EOGT: variants seen among roughly 807,000 people sequenced by gnomAD.
EOGT encodes the protein EGF domain-specific O-linked N-acetylglucosamine transferase.
Under a neutral mutation model 70.5 loss-of-function variants are expected in EOGT, and 55 were observed. The observed-to-expected ratio is 0.78, with a 90% CI of 0.63 to 0.98. The LOEUF (loss-of-function observed/expected upper bound fraction) is 0.98. EOGT is among the 50% of genes least tolerant of loss of function. The probability of loss-of-function intolerance (pLI) is 0.00; values close to 1 mark genes in which losing one functional copy is unlikely to be tolerated. For synonymous variants in EOGT, 246 were observed against 217.1 expected, an observed-to-expected ratio of 1.13 and a Z score of -1.17; for missense variants, 703 against 641.9, an observed-to-expected ratio of 1.10 and a Z score of -1.03.
At chr3:68,999,342 A>G (rs191067692) in intron 9 of EOGT, among the ~76,000 whole-genome samples, 1 of 152,322 alleles carries the variant, frequency 6.6e-6, no homozygotes, top group Non-Finnish European at 1.5e-5. Flanking sequence ...TTAAAAAGAA[A>G]CAGAATGTGC....
chr3:68,988,014 A>G (rs2090865719), intron 13 of EOGT, among the ~76,000 whole-genome samples: 1 of 152,216 alleles, frequency 6.6e-6, no homozygotes, highest in South Asian at 2.1e-4. Flanking sequence ...TCCTGGGTTC[A>G]AGCGATTCTC....
At chr3:69,002,007 C>G (rs559360976) in intron 8 of EOGT, among the ~76,000 whole-genome samples, 6 of 152,272 alleles carry the variant, frequency 3.9e-5, no homozygotes, top group South Asian at 4.1e-4. Context: ...CTGGTCAACA[C>G]GGTGAAACCC....
At chr3:69,006,504 T>C (rs569981286) in intron 6 of EOGT, among the ~76,000 whole-genome samples, 1 of 152,334 alleles carries the variant, frequency 6.6e-6, no homozygotes, top group South Asian at 2.1e-4. Flanking sequence ...ACAGTGTACC[T>C]TAATCGTAAG....
chr3:68,988,855 T>G, intron 11 of EOGT, 70 bp downstream of exon 11: 1 of 809,648 alleles, frequency 1.2e-6, no homozygotes, highest in Non-Finnish European at 1.9e-6. Flanking sequence ...TCATAATAAA[T>G]GTTTATTTTA....
At position 68,976,249 on chromosome 3, in the gene EOGT, A is replaced by C. The variant is rs2090469870; in HGVS notation, c.*1369T>G. 6.6e-6 allele frequency: 1 copy of C among 152,184 alleles called. No homozygotes were observed. Among genetic ancestry groups the C allele is most frequent in the African/African-American group, 2.4e-5 (1 of 41,446 alleles). 9.4% of individuals were successfully genotyped at this position (152,184 alleles called of 1,614,324 possible). A position where few individuals can be genotyped will look rare whatever the true frequency, so the allele number is the denominator to read the frequency against. On this transcript the variant is annotated 3_prime_UTR_variant, in exon 18 of 18. Transcript: ENST00000383701. ...GGGAAAAATTCTCTTCATGAGGCTA[A>C]TTTGAAGTTTTTGAAATTAAAGACT...
chr3:69,007,113 A>G (rs1003551514), intron 6 of EOGT, among the ~76,000 whole-genome samples: 3 of 152,216 alleles, frequency 2.0e-5, no homozygotes, highest in Admixed American at 6.5e-5. Context: ...TCATTAGCAC[A>G]TGTTTGGGGG....
intron 10 of EOGT, among the ~76,000 whole-genome samples, chr3:68,990,857 C>T (rs984660520): frequency 2.0e-5 from 3 of 147,852 alleles, no homozygotes; most frequent in Admixed American, 6.8e-5. Flanking sequence ...TTTTATGTTG[C>T]ACATATTACA....
rs772784564 is a variant in EOGT at position 68,998,029 on chromosome 3, G to A, written c.813C>T (p.Tyr271=). 28 of 1,567,730 alleles carry A rather than the reference G, an allele frequency of 1.8e-5. No individual in the cohort carries two copies. Among genetic ancestry groups the A allele is most frequent in the Non-Finnish European group, 2.3e-5 (27 of 1,153,264 alleles). Residue 271 remains tyrosine, a synonymous_variant, in exon 10 of 18, where the codon TAC becomes TAT. Transcript: ENST00000383701. ...HVNNSFSTDV[Y]IVMWDTSSYG... is the part of the protein sequence containing the mutation. ...TACTTACGGTGTCCCACATCACGAT[G>A]TACACGTCAGTACTGAATGAGTTAT...
intron 10 of EOGT, 113 bp downstream of exon 10, chr3:68,997,898 G>A (rs768825493): frequency 8.8e-5 from 58 of 658,680 alleles, no homozygotes; most frequent in Non-Finnish European, 1.4e-4. Flanking sequence ...CATTATGTGC[G>A]GCTGTACATG....
rs1182065722 is a variant in EOGT at position 68,975,375 on chromosome 3, TAA to T, written c.*2241_*2242del. The T allele has an allele frequency of 1.3e-5, 2 of 152,774 alleles. No individual in the cohort carries two copies. Among genetic ancestry groups the T allele is most frequent in the African/African-American group, 2.4e-5 (1 of 41,582 alleles). 9.5% of individuals were successfully genotyped at this position (152,774 alleles called of 1,614,324 possible). A position where few individuals can be genotyped will look rare whatever the true frequency, so the allele number is the denominator to read the frequency against. ...CCACAAAAAGTCTCATAAAATTCCA[TAA>T]AGTGTCAAATGTATTTTCCTGTTTA... is the stretch of plus-strand genomic sequence containing the variant. On this transcript the variant is annotated 3_prime_UTR_variant, in exon 18 of 18. Coordinates refer to ENST00000383701, the MANE Select transcript of EOGT (RefSeq NM_001278689.2).
rs1351390869 is a variant in EOGT at position 68,977,446 on chromosome 3, C to A, written c.*172G>T. 36 of 612,970 alleles carry A rather than the reference C, an allele frequency of 5.9e-5. 1 individual carries two copies. The South Asian group carries it at 9.2e-4, about 16-fold the overall frequency. The allele number at this position is 612,970 out of a possible 1,614,324, so 38.0% of individuals were successfully genotyped here. A position where few individuals can be genotyped will look rare whatever the true frequency, so the allele number is the denominator to read the frequency against. ...TTGATAAATAGCAATGACACAAAAA[C>A]CACATGAAACACTTAACATCTATAC... On this transcript the variant is annotated 3_prime_UTR_variant, in exon 18 of 18. Coordinates refer to ENST00000383701, the MANE Select transcript of EOGT (RefSeq NM_001278689.2).
chr3:68,981,836 T>TTGTTATCAAACATTTGATAA (rs1553663069), intron 15 of EOGT, among the ~76,000 whole-genome samples: 1 of 152,012 alleles, frequency 6.6e-6, no homozygotes, highest in Non-Finnish European at 1.5e-5. Flanking sequence ...GATAACTTTT[T>TTGTTATCAAACATTTGATAA]TGTTATCAAA....
intron 14 of EOGT, among the ~76,000 whole-genome samples, chr3:68,986,161 T>C (rs1165365948): frequency 6.6e-6 from 1 of 152,214 alleles, no homozygotes; most frequent in Admixed American, 6.5e-5. Context: ...CTCTAGCAGA[T>C]GGAGTTTAAG....
chr3:69,006,658 G>T (rs754262221), intron 6 of EOGT, among the ~76,000 whole-genome samples: 13 of 152,178 alleles, frequency 8.5e-5, no homozygotes, highest in Non-Finnish European at 1.6e-4. Context: ...TAAGGCAGAG[G>T]AAATTGAAAC....
At chr3:68,993,992 A>C (rs890408004) in intron 10 of EOGT, among the ~76,000 whole-genome samples, 1 of 152,192 alleles carries the variant, frequency 6.6e-6, no homozygotes, top group Admixed American at 6.5e-5. Context: ...ATACAATTCA[A>C]GCTGAAATTT....
intron 6 of EOGT, 75 bp from the exon 7 acceptor site, chr3:69,005,309 A>T (rs917098450): frequency 1.2e-5 from 9 of 759,220 alleles, no homozygotes; most frequent in Non-Finnish European, 1.8e-5. Context: ...TGCTAGACAC[A>T]CTGACAGCAC....
intron 15 of EOGT, 89 bp downstream of exon 15, chr3:68,982,722 A>G: frequency 4.6e-6 from 4 of 873,878 alleles, no homozygotes; most frequent in South Asian, 3.8e-5. Flanking sequence ...ACAAATGCCA[A>G]TGGCTCCCAC....
intron 9 of EOGT, 47 bp from the exon 10 acceptor site, chr3:68,998,161 T>G (rs1292476819): frequency 1.9e-6 from 2 of 1,040,130 alleles, no homozygotes; most frequent in Non-Finnish European, 3.0e-6. Flanking sequence ...AAAGAGCACA[T>G]GATCAAGCAA....
At chr3:69,008,391 G>C (rs758478703) in intron 5 of EOGT, 37 bp downstream of exon 5, 21 of 1,427,568 alleles carry the variant, frequency 1.5e-5, no homozygotes, top group Non-Finnish European at 2.1e-5. Context: ...TATAGAAAGA[G>C]GAAGACTTGA....
Sources: gnomAD v4.1 joint callset for allele counts (sites outside exome capture counted in the v4.1 genomes callset) on GRCh38, gnomAD v4.1.1 for gene constraint, MANE v1.5 for transcripts, NCBI Gene and HGNC (gene_info 2026-07-23, HGNC 2026-07-21) for gene names.